The following TRPM3 variants were observed in gnomAD, a reference collection of about 807,000 sequenced individuals.
TRPM3 encodes the protein transient receptor potential cation channel subfamily M member 3.
A neutral mutation model predicts 181.2 loss-of-function variants in TRPM3; 77 were observed. The ratio of observed to expected loss-of-function variants is 0.42; its 90% CI spans 0.35 to 0.51. TRPM3 has a LOEUF of 0.51. TRPM3 is among the 20% of genes least tolerant of loss of function. The pLI, the probability that TRPM3 is intolerant of heterozygous loss-of-function variation, is 0.01. For missense variants in TRPM3, 1,759 were observed against 2,196.7 expected (o/e 0.80, Z 3.98); for synonymous variants, 745 against 796.4 (o/e 0.94, Z 1.09).
rs114412211 is a variant in TRPM3, at chr9:71,074,766, C to T, written c.177+46412G>A. ...TTCTTGTTGTACTTATTACTAAAAA[C>T]ATAGAGACCTGGCAATTCTGGATGC... On this transcript the variant is annotated intron_variant, in intron 1 of 25. Transcript: ENST00000677713. Among the ~76,000 whole-genome samples the T allele has an allele frequency of 9.1e-3, 1,379 of 152,206 alleles. 22 individuals carry two copies. The highest frequency in any genetic ancestry group is 0.03 in the African/African-American group (1,237 of 41,514).
chr9:70,540,197 A>G (rs552549377), intron 25 of TRPM3, among the ~76,000 whole-genome samples: 3 of 152,350 alleles, frequency 2.0e-5, no homozygotes, highest in Admixed American at 2.0e-4. Context: ...AGGATAGATC[A>G]TGCATTTCTG....
At chr9:71,083,966 G>A (rs1030337440) in intron 1 of TRPM3, among the ~76,000 whole-genome samples, 11 of 151,848 alleles carry the variant, frequency 7.2e-5, no homozygotes, top group Admixed American at 2.6e-4. Flanking sequence ...TAGGGCATCC[G>A]AACATACTTT....
chr9:71,153,110 G>A (rs1052878768), intron 1 of TRPM3, among the ~76,000 whole-genome samples: 1 of 152,034 alleles, frequency 6.6e-6, no homozygotes, highest in Non-Finnish European at 1.5e-5. Flanking sequence ...TAGTAATACT[G>A]AGCCCAGGGA....
At chr9:70,948,983 A>G (rs1269634536) in intron 1 of TRPM3, among the ~76,000 whole-genome samples, 2 of 152,040 alleles carry the variant, frequency 1.3e-5, no homozygotes, top group African/African-American at 2.4e-5. Flanking sequence ...TTAGGGAGAG[A>G]AAGTCAATGA....
At chr9:70,682,904 A>G (rs529651669) in intron 8 of TRPM3, among the ~76,000 whole-genome samples, 18 of 152,312 alleles carry the variant, frequency 1.2e-4, no homozygotes, top group East Asian at 5.8e-4. Flanking sequence ...TTGCTAATCT[A>G]TAAGTCTAGG....
chr9:71,082,495 G>T (rs905036386), intron 1 of TRPM3, among the ~76,000 whole-genome samples: 2 of 152,010 alleles, frequency 1.3e-5, no homozygotes, highest in South Asian at 4.1e-4. Context: ...CTTCATTCTA[G>T]GTAAATAAAG....
At position 70,862,932 on chromosome 9, in the gene TRPM3, T is replaced by C; in HGVS notation, c.438A>G (p.Gly146=). Residue 146 remains glycine, a synonymous_variant, in exon 3 of 26, where the codon GGA becomes GGG. Coordinates refer to ENST00000677713, the MANE Select transcript of TRPM3 (RefSeq NM_001366145.2). ...TDAFGTIEFQ[G]GGHSNKAMYV... ...CCATGGCTTTGTTGGAATGGCCACC[T>C]CCTTGGAACTCAATGGTCCCAAAAG... 1.9e-6 allele frequency: 3 copies of C among 1,613,510 alleles called. No homozygotes were observed. Among genetic ancestry groups the C allele is most frequent in the Non-Finnish European group, 2.5e-6 (3 of 1,179,612 alleles).
chr9:70,552,468 A>T (rs1362725990), intron 24 of TRPM3, among the ~76,000 whole-genome samples: 2 of 152,106 alleles, frequency 1.3e-5, no homozygotes, highest in Non-Finnish European at 2.9e-5. Context: ...TCCAGAAGTT[A>T]TTGCTTAAAT....
intron 1 of TRPM3, among the ~76,000 whole-genome samples, chr9:71,219,748 G>A (rs1682980245): frequency 6.6e-6 from 1 of 152,142 alleles, no homozygotes. Flanking sequence ...GGGTGAACCT[G>A]GGCAAATCAG....
chr9:71,076,587 C>G (rs1231875969), intron 1 of TRPM3, among the ~76,000 whole-genome samples: 4 of 152,180 alleles, frequency 2.6e-5, no homozygotes, highest in South Asian at 2.1e-4. Context: ...ATCTCAAAAG[C>G]GTTTGACAAG....
chr9:71,162,322 A>G (rs1486453516), intron 1 of TRPM3, among the ~76,000 whole-genome samples: 1 of 152,096 alleles, frequency 6.6e-6, no homozygotes, highest in East Asian at 1.9e-4. Context: ...GCTTTCTGGT[A>G]ACCTGTAGGT....
intron 1 of TRPM3, among the ~76,000 whole-genome samples, chr9:71,024,791 A>C (rs1482960629): frequency 1.3e-5 from 2 of 152,200 alleles, no homozygotes; most frequent in African/African-American, 4.8e-5. Flanking sequence ...GCATAACGGT[A>C]AGTTTCCTAC....
intron 6 of TRPM3, among the ~76,000 whole-genome samples, chr9:70,801,487 A>G (rs1302013709): frequency 6.6e-6 from 1 of 152,244 alleles, no homozygotes; most frequent in Admixed American, 6.5e-5. Context: ...CATAAATCTT[A>G]TAAGGGGAAA....
chr9:70,798,083 C>T (rs2087723216), intron 6 of TRPM3, among the ~76,000 whole-genome samples: 1 of 152,186 alleles, frequency 6.6e-6, no homozygotes, highest in Non-Finnish European at 1.5e-5. Flanking sequence ...GAGATAGGGT[C>T]TCACTCCATC....
At chr9:71,347,049 G>A (rs531216069) in intron 1 of TRPM3, among the ~76,000 whole-genome samples, 1 of 152,302 alleles carries the variant, frequency 6.6e-6, no homozygotes, top group South Asian at 2.1e-4. Flanking sequence ...TCCCAATAAT[G>A]AAAAGGTAAG....
intron 1 of TRPM3, among the ~76,000 whole-genome samples, chr9:71,355,459 T>A (rs1251740811): frequency 6.6e-6 from 1 of 152,068 alleles, no homozygotes; most frequent in African/African-American, 2.4e-5. Context: ...GAGAGAGGCA[T>A]GGAACAGATA....
At chr9:70,797,993 C>T (rs1399909496) in intron 6 of TRPM3, among the ~76,000 whole-genome samples, 1 of 152,174 alleles carries the variant, frequency 6.6e-6, no homozygotes, top group African/African-American at 2.4e-5. Context: ...TGGGTTCCAC[C>T]AAGTACTTCT....
intron 1 of TRPM3, among the ~76,000 whole-genome samples, chr9:71,229,143 G>T (rs1373790183): frequency 6.6e-6 from 1 of 152,108 alleles, no homozygotes; most frequent in Non-Finnish European, 1.5e-5. Flanking sequence ...GAACAGATTA[G>T]AGAATCCAGA....
intron 1 of TRPM3, among the ~76,000 whole-genome samples, chr9:71,401,191 C>A (rs10081752): frequency 0.15 from 19,270 of 132,124 alleles, 1,438 homozygotes; most frequent in East Asian, 0.2. Flanking sequence ...AAGTGAGACA[C>A]CATCGCAAAA....
Sources: gnomAD v4.1 joint callset for allele counts (sites outside exome capture counted in the v4.1 genomes callset) on GRCh38, gnomAD v4.1.1 for gene constraint, MANE v1.5 for transcripts, NCBI Gene and HGNC (gene_info 2026-07-23, HGNC 2026-07-21) for gene names.